Variants in ACCSL observed in about 807,000 individuals in gnomAD.
The protein encoded by ACCSL is probable inactive 1-aminocyclopropane-1-carboxylate synthase-like protein 2.
In ACCSL, 55 loss-of-function variants were observed where a neutral mutation model predicts 61.7. The observed-to-expected ratio is 0.89, with a 90% CI of 0.72 to 1.12. The LOEUF is 1.12. Among genes scored for constraint, ACCSL ranks in the 50% most tolerant of loss-of-function variants. The pLI, the probability that ACCSL is intolerant of heterozygous loss-of-function variation, is 0.00. For synonymous variants in ACCSL, 258 were observed against 264.3 expected, an observed-to-expected ratio of 0.98 and a Z score of 0.23; for missense variants, 632 against 698.0, an observed-to-expected ratio of 0.91 and a Z score of 1.07.
the ACCSL span, among the ~76,000 whole-genome samples, chr11:44,017,490 A>G: frequency 1.3e-5 from 2 of 152,208 alleles, no homozygotes; most frequent in East Asian, 3.9e-4. Context: ...GGAACAGGCA[A>G]GAGTAGCCCC....
At chr11:43,942,930 T>C in the ACCSL span, 1 of 1,431,394 alleles carries the variant, frequency 7.0e-7, no homozygotes, top group Non-Finnish European at 9.1e-7. Context: ...GGCGAGCTGA[T>C]GGGCATCTGC....
upstream of ACCSL, among the ~76,000 whole-genome samples, chr11:44,046,941 C>T (rs946305819): frequency 8.6e-5 from 13 of 151,994 alleles, no homozygotes; most frequent in Non-Finnish European, 1.6e-4. Flanking sequence ...TAATCCTAAT[C>T]GTTGGAAGTT....
the ACCSL span, among the ~76,000 whole-genome samples, chr11:43,988,086 T>G: frequency 6.6e-6 from 1 of 152,162 alleles, no homozygotes; most frequent in Non-Finnish European, 1.5e-5. Context: ...CACCATGAGG[T>G]GGACCCTTTC....
the ACCSL span, among the ~76,000 whole-genome samples, chr11:44,011,328 T>C: frequency 2.0e-5 from 3 of 152,334 alleles, no homozygotes; most frequent in Admixed American, 2.0e-4. Context: ...GTCCTAGCTA[T>C]GGATTTATTA....
At chr11:43,977,457 T>A in the ACCSL span, among the ~76,000 whole-genome samples, 39 of 152,110 alleles carry the variant, frequency 2.6e-4, no homozygotes, top group African/African-American at 8.2e-4. Context: ...GCTTTAAAGA[T>A]GGTGAGAGGG....
the ACCSL span, among the ~76,000 whole-genome samples, chr11:43,970,666 C>G: frequency 6.6e-6 from 1 of 152,208 alleles, no homozygotes; most frequent in Non-Finnish European, 1.5e-5. Flanking sequence ...TTTTAGTTGG[C>G]ATTCCAACAT....
the ACCSL span, among the ~76,000 whole-genome samples, chr11:43,965,792 C>A: frequency 2.0e-5 from 3 of 152,148 alleles, no homozygotes; most frequent in Non-Finnish European, 4.4e-5. Context: ...CATAAATAAA[C>A]CCATACATCT....
chr11:43,986,519 C>T, the ACCSL span, among the ~76,000 whole-genome samples: 1 of 152,136 alleles, frequency 6.6e-6, no homozygotes, highest in Non-Finnish European at 1.5e-5. Context: ...TCAGGGTGCT[C>T]CAGCCACCCA....
the ACCSL span, among the ~76,000 whole-genome samples, chr11:43,972,206 G>A: frequency 6.6e-6 from 1 of 152,166 alleles, no homozygotes; most frequent in African/African-American, 2.4e-5. Flanking sequence ...GAATGAAGGT[G>A]CCATTGATGG....
chr11:43,943,563 G>A, the ACCSL span: 1 of 1,316,030 alleles, frequency 7.6e-7, no homozygotes, highest in South Asian at 1.2e-5. This position sits in a 1 kb window ranked among gnomAD's most constrained non-coding sequence, Gnocchi z 4.8. Context: ...GGGGAGGCGC[G>A]CCCGCGCTGA....
chr11:44,006,231 G>T, the ACCSL span, among the ~76,000 whole-genome samples: 1 of 152,200 alleles, frequency 6.6e-6, no homozygotes, highest in South Asian at 2.1e-4. Flanking sequence ...CAAAGCTCTG[G>T]CCTTGGAGTC....
At chr11:43,979,512 C>T in the ACCSL span, among the ~76,000 whole-genome samples, 4 of 152,024 alleles carry the variant, frequency 2.6e-5, no homozygotes, top group East Asian at 3.8e-4. Context: ...AGGTGTCCTT[C>T]GTTTGATCTA....
At chr11:43,932,219 G>A in the ACCSL span, among the ~76,000 whole-genome samples, 2 of 152,200 alleles carry the variant, frequency 1.3e-5, no homozygotes, top group South Asian at 4.1e-4. Flanking sequence ...GAAGGATGGG[G>A]CACAAATGAG....
chr11:43,962,699 G>T, the ACCSL span, among the ~76,000 whole-genome samples: 1 of 152,250 alleles, frequency 6.6e-6, no homozygotes, highest in East Asian at 1.9e-4. Flanking sequence ...AAACCAGGAA[G>T]CAAAGAAATG....
the ACCSL span, among the ~76,000 whole-genome samples, chr11:44,030,339 C>T: frequency 2.6e-5 from 4 of 151,638 alleles, no homozygotes; most frequent in African/African-American, 9.7e-5. Context: ...TTGTAGAGCC[C>T]CACTCTCCCT....
chr11:43,995,850 A>G, the ACCSL span, among the ~76,000 whole-genome samples: 1 of 152,174 alleles, frequency 6.6e-6, no homozygotes, highest in Non-Finnish European at 1.5e-5. Context: ...TATGAGTTGA[A>G]CCAGATCCCT....
chr11:44,009,477 T>C, the ACCSL span, among the ~76,000 whole-genome samples: 1 of 152,148 alleles, frequency 6.6e-6, no homozygotes, highest in Admixed American at 6.5e-5. Flanking sequence ...ATATAAAAAG[T>C]GCTCAGGGCC....
the ACCSL span, among the ~76,000 whole-genome samples, chr11:43,976,828 G>A: frequency 1.3e-5 from 2 of 152,226 alleles, no homozygotes; most frequent in Admixed American, 6.5e-5. Context: ...TGTGCCCAAC[G>A]AGAGCAGAAA....
At chr11:43,992,588 G>A in the ACCSL span, among the ~76,000 whole-genome samples, 2 of 152,128 alleles carry the variant, frequency 1.3e-5, no homozygotes, top group Non-Finnish European at 2.9e-5. Flanking sequence ...ACACTCATTG[G>A]CATTTGATTA....
Sources: allele counts gnomAD v4.1 joint callset (sites outside exome capture counted in the v4.1 genomes callset), GRCh38; gene constraint gnomAD v4.1.1; non-coding constraint Gnocchi (gnomAD v3.1); transcripts MANE v1.5; gene names NCBI Gene and HGNC (gene_info 2026-07-23, HGNC 2026-07-21).